CCDC102B: variants seen among roughly 807,000 people sequenced by gnomAD.
The protein encoded by CCDC102B is coiled-coil domain containing 102B, also known as coiled-coil domain-containing protein 102B.
In CCDC102B, 75 loss-of-function variants were observed where a neutral mutation model predicts 57.4. That is an observed-to-expected ratio of 1.31 (90% CI 1.08 to 1.58). CCDC102B has a LOEUF of 1.58. Among genes scored for constraint, CCDC102B ranks in the 40% most tolerant of loss-of-function variants. CCDC102B has a pLI of 0.00. For synonymous variants in CCDC102B, 206 were observed against 201.9 expected, an observed-to-expected ratio of 1.02 and a Z score of -0.17; for missense variants, 636 against 582.6, an observed-to-expected ratio of 1.09 and a Z score of -0.94.
At chr18:68,926,374 G>C (rs1479001062) in intron 6 of CCDC102B, among the ~76,000 whole-genome samples, 2 of 151,710 alleles carry the variant, frequency 1.3e-5, no homozygotes, top group African/African-American at 4.8e-5. Context: ...AAGCATTGAT[G>C]AATCAGTTTA....
At chr18:68,935,658 C>T (rs768364138) in intron 6 of CCDC102B, among the ~76,000 whole-genome samples, 28 of 151,842 alleles carry the variant, frequency 1.8e-4, no homozygotes, top group Non-Finnish European at 7.4e-5. Flanking sequence ...CCCAGATGAA[C>T]ACGAATTGAT....
intron 6 of CCDC102B, among the ~76,000 whole-genome samples, chr18:68,909,245 A>G (rs1280809100): frequency 6.6e-6 from 1 of 152,198 alleles, no homozygotes; most frequent in Admixed American, 6.5e-5. Flanking sequence ...TAAGGCAATT[A>G]GTTGTAGGTA....
At chr18:68,735,846 GT>G (rs1428381769) in intron 2 of CCDC102B, among the ~76,000 whole-genome samples, 1 of 152,150 alleles carries the variant, frequency 6.6e-6, no homozygotes, top group Non-Finnish European at 1.5e-5. Flanking sequence ...CTAACTGAAT[GT>G]TTTTATCTAC....
intron 2 of CCDC102B, among the ~76,000 whole-genome samples, chr18:68,736,154 A>G (rs777277530): frequency 2.0e-5 from 3 of 152,234 alleles, no homozygotes; most frequent in Non-Finnish European, 4.4e-5. Context: ...AAAGTTTTTG[A>G]AATAAATATA....
At chr18:68,891,721 G>A (rs1192834915) in intron 5 of CCDC102B, among the ~76,000 whole-genome samples, 1 of 152,178 alleles carries the variant, frequency 6.6e-6, no homozygotes, top group Non-Finnish European at 1.5e-5. Context: ...TCTTTCCTCT[G>A]TGCTCACTTG....
At chr18:68,810,311 A>C (rs2036193421) in intron 1 of CCDC102B, among the ~76,000 whole-genome samples, 1 of 152,190 alleles carries the variant, frequency 6.6e-6, no homozygotes, top group Admixed American at 6.5e-5. Flanking sequence ...TCTCACTGAA[A>C]AACTTCATAT....
chr18:69,040,368 TTTAGA>T (rs1320506192), intron 7 of CCDC102B, among the ~76,000 whole-genome samples: 1 of 151,264 alleles, frequency 6.6e-6, no homozygotes, highest in Admixed American at 6.6e-5. Context: ...TCTATGTAGA[TTTAGA>T]TTAGATGCAG....
chr18:69,039,960 C>T (rs1188433622), intron 7 of CCDC102B, among the ~76,000 whole-genome samples: 1 of 151,796 alleles, frequency 6.6e-6, no homozygotes, highest in Admixed American at 6.6e-5. Flanking sequence ...CCTTCAAATA[C>T]TGAATGAGCC....
intron 7 of CCDC102B, among the ~76,000 whole-genome samples, chr18:69,046,992 AC>A (rs2052584170): frequency 6.6e-6 from 1 of 152,076 alleles, no homozygotes; most frequent in Non-Finnish European, 1.5e-5. Flanking sequence ...TGTTTTGGTT[AC>A]TGTAGCCTTG....
intron 6 of CCDC102B, among the ~76,000 whole-genome samples, chr18:68,975,099 G>T (rs988010061): frequency 6.6e-6 from 1 of 151,920 alleles, no homozygotes. Context: ...TGCCCACGTG[G>T]AAAAATTACA....
At chr18:68,732,468 C>T (rs2032922470) in intron 2 of CCDC102B, among the ~76,000 whole-genome samples, 1 of 151,904 alleles carries the variant, frequency 6.6e-6, no homozygotes, top group African/African-American at 2.4e-5. Flanking sequence ...CCTCAGCCTC[C>T]CGAGTAGCTG....
At chr18:69,004,321 A>T (rs888996125) in intron 6 of CCDC102B, among the ~76,000 whole-genome samples, 4 of 152,174 alleles carry the variant, frequency 2.6e-5, no homozygotes, top group Non-Finnish European at 2.9e-5. Context: ...GAGGGCCGTG[A>T]TCATGGGACC....
chr18:68,947,526 A>G (rs965134332), intron 6 of CCDC102B, among the ~76,000 whole-genome samples: 3 of 151,996 alleles, frequency 2.0e-5, no homozygotes, highest in African/African-American at 7.2e-5. Flanking sequence ...CACTAGCTAG[A>G]TCTCTAATTT....
intron 7 of CCDC102B, among the ~76,000 whole-genome samples, chr18:69,052,027 CTA>C (rs2052718825): frequency 1.4e-5 from 2 of 144,908 alleles, no homozygotes; most frequent in African/African-American, 4.9e-5. Context: ...ATAAAAATAA[CTA>C]TGATTAAACC....
intron 5 of CCDC102B, among the ~76,000 whole-genome samples, chr18:68,878,051 G>A (rs182455337): frequency 1.3e-5 from 2 of 152,306 alleles, no homozygotes; most frequent in Admixed American, 6.5e-5. Context: ...GAAGGGCAAA[G>A]CTGTCTATAT....
At chr18:68,793,366 C>A (rs1328576736), upstream of CCDC102B, among the ~76,000 whole-genome samples, 1 of 152,066 alleles carries the variant, frequency 6.6e-6, no homozygotes, top group Non-Finnish European at 1.5e-5. Context: ...ATTGGTATTT[C>A]TATTTTTTAA....
intron 6 of CCDC102B, among the ~76,000 whole-genome samples, chr18:68,951,137 G>C (rs888713424): frequency 2.6e-5 from 4 of 152,094 alleles, no homozygotes; most frequent in Non-Finnish European, 5.9e-5. Context: ...GGCTCTTACT[G>C]AGCCTGGAGT....
upstream of CCDC102B, among the ~76,000 whole-genome samples, chr18:68,796,740 G>A (rs2035641914): frequency 6.6e-6 from 1 of 152,044 alleles, no homozygotes; most frequent in Non-Finnish European, 1.5e-5. Context: ...ATGTCTTCAT[G>A]TGGGCAGGGT....
chr18:68,981,385 T>A (rs1204674920), intron 6 of CCDC102B, among the ~76,000 whole-genome samples: 1 of 152,032 alleles, frequency 6.6e-6, no homozygotes, highest in Non-Finnish European at 1.5e-5. Context: ...AGAAGAGACA[T>A]GAGGCATAAG....
Sources: gnomAD v4.1 joint callset for allele counts (sites outside exome capture counted in the v4.1 genomes callset) on GRCh38, gnomAD v4.1.1 for gene constraint, MANE v1.5 for transcripts, NCBI Gene and HGNC (gene_info 2026-07-23, HGNC 2026-07-21) for gene names.